TTC28: variants seen among roughly 807,000 people sequenced by gnomAD.
The protein encoded by TTC28 is tetratricopeptide repeat protein 28.
Under a neutral mutation model 198.0 loss-of-function variants are expected in TTC28, and 61 were observed. That is an observed-to-expected ratio of 0.31 (90% CI 0.25 to 0.38). The LOEUF (loss-of-function observed/expected upper bound fraction) is 0.38. TTC28 is among the 10% of genes least tolerant of loss of function. The probability of loss-of-function intolerance (pLI) is 1.00; values close to 1 mark genes in which losing one functional copy is unlikely to be tolerated. For missense variants in TTC28, 2,678 were observed against 3,164.0 expected (o/e 0.85, Z 3.69); for synonymous variants, 1,171 against 1,297.8 (o/e 0.90, Z 2.10).
At chr22:28,085,178 C>T (rs892049954) in intron 12 of TTC28, among the ~76,000 whole-genome samples, 2 of 151,834 alleles carry the variant, frequency 1.3e-5, no homozygotes, top group Admixed American at 6.6e-5. Context: ...AAGATACTCC[C>T]CGAGAAGAGC....
chr22:28,441,322 G>A (rs994577428), intron 2 of TTC28, among the ~76,000 whole-genome samples: 4 of 152,052 alleles, frequency 2.6e-5, no homozygotes, highest in African/African-American at 9.7e-5. Context: ...GAAGAAATGG[G>A]GGACTTTAGG....
intron 1 of TTC28, among the ~76,000 whole-genome samples, chr22:28,655,786 G>A (rs1202341528): frequency 6.6e-6 from 1 of 151,640 alleles, no homozygotes; most frequent in East Asian, 2.0e-4. Context: ...GGGAGGCGGA[G>A]CTTGCAGTGA....
intron 3 of TTC28, among the ~76,000 whole-genome samples, chr22:28,300,055 C>T (rs985255399): frequency 6.6e-5 from 10 of 152,176 alleles, no homozygotes; most frequent in African/African-American, 2.4e-4. Flanking sequence ...ATGCTCCTCC[C>T]CACACCAACT....
chr22:28,140,934 AGAGGAG>A (rs57274885), intron 6 of TTC28, among the ~76,000 whole-genome samples: 3,109 of 150,984 alleles, frequency 0.021, 52 homozygotes, highest in Non-Finnish European at 0.032. Context: ...ATGCAAAGGA[AGAGGAG>A]GAGGAGGAGG....
chr22:28,513,617 T>C (rs1024476487), intron 2 of TTC28, among the ~76,000 whole-genome samples: 11 of 151,716 alleles, frequency 7.3e-5, no homozygotes, highest in African/African-American at 2.4e-4. Flanking sequence ...TTTAAAAAGT[T>C]TGTTTAATTA....
At chr22:28,313,001 T>C (rs1349552714) in intron 2 of TTC28, among the ~76,000 whole-genome samples, 1 of 152,004 alleles carries the variant, frequency 6.6e-6, no homozygotes, top group Non-Finnish European at 1.5e-5. Context: ...AAGAATCAAA[T>C]AGACGTGATA....
rs138635 is a variant in TTC28, at chr22:27,981,230, ATTTTTTTTTTTTTT to A, written c.*977_*990del. The A allele has an allele frequency of 7.5e-4, 36 of 48,218 alleles. No individual in the cohort carries two copies. The highest frequency in any genetic ancestry group is 3.9e-3 in the South Asian group (4 of 1,036). 3.0% of individuals were successfully genotyped at this position (48,218 alleles called of 1,614,324 possible). A position where few individuals can be genotyped will look rare whatever the true frequency, so the allele number is the denominator to read the frequency against. ...TGGTTAAATCTAGTTAGCCATGGAAATTTTTTTTTTTTTTTTTTTTTTTTTTTTTTTTTTTTTGC... is the reference window on the plus strand; with the variant it reads ...TGGTTAAATCTAGTTAGCCATGGAAATTTTTTTTTTTTTTTTTTTTTTTGC... On this transcript the variant is annotated 3_prime_UTR_variant, in exon 23 of 23. Coordinates refer to ENST00000397906, the MANE Select transcript of TTC28 (RefSeq NM_001145418.2).
In TTC28 at chr22:28,629,837, A is replaced by T; in HGVS notation, c.103-7T>A. The T allele has an allele frequency of 6.5e-7, 1 of 1,540,370 alleles. No homozygotes were observed. Among genetic ancestry groups the T allele is most frequent in the Non-Finnish European group, 8.8e-7 (1 of 1,142,594 alleles). On this transcript the variant is annotated splice_region_variant and splice_polypyrimidine_tract_variant and intron_variant, in intron 1 of 22. Transcript: ENST00000397906. ...CAGCACCAAAGAGAGGAATCTACAA[A>T]CAAAGAAACTTTATCAGAAAAAGTT...
chr22:28,347,155 T>G (rs528093984), intron 2 of TTC28, among the ~76,000 whole-genome samples: 1 of 151,584 alleles, frequency 6.6e-6, no homozygotes, highest in Non-Finnish European at 1.5e-5. Flanking sequence ...TCCCAGCTAC[T>G]TGGGAGGCTG....
At chr22:28,606,236 A>G (rs2050731762) in intron 2 of TTC28, among the ~76,000 whole-genome samples, 2 of 151,866 alleles carry the variant, frequency 1.3e-5, no homozygotes, top group African/African-American at 2.4e-5. Context: ...CATGCACGCC[A>G]TCATGCATGG....
At chr22:28,282,052 T>G (rs772987009) in intron 5 of TTC28, among the ~76,000 whole-genome samples, 2 of 152,214 alleles carry the variant, frequency 1.3e-5, no homozygotes, top group Non-Finnish European at 2.9e-5. Flanking sequence ...GCCTACACTC[T>G]TACAAAACCA....
At chr22:28,441,730 C>G (rs561838611) in intron 2 of TTC28, among the ~76,000 whole-genome samples, 1 of 152,198 alleles carries the variant, frequency 6.6e-6, no homozygotes, top group Admixed American at 6.5e-5. Context: ...CATCGTGCCA[C>G]AAAGAAAAGA....
At chr22:28,485,259 C>T (rs992693749) in intron 2 of TTC28, among the ~76,000 whole-genome samples, 3 of 151,958 alleles carry the variant, frequency 2.0e-5, no homozygotes, top group Admixed American at 1.3e-4. Flanking sequence ...ACATCACAGC[C>T]GAATCAAGCC....
intron 2 of TTC28, 86 bp from the exon 3 acceptor site, chr22:28,306,729 G>T: frequency 7.2e-7 from 1 of 1,397,344 alleles, no homozygotes; most frequent in African/African-American, 1.5e-5. Context: ...CAGGTCAGCA[G>T]AACTAAGATT....
chr22:28,601,797 C>CAT (rs902724995), intron 2 of TTC28, among the ~76,000 whole-genome samples: 2 of 151,644 alleles, frequency 1.3e-5, no homozygotes, highest in Non-Finnish European at 2.9e-5. Context: ...CACACACACA[C>CAT]ACACACACAC....
At chr22:28,388,990 G>A (rs895759827) in intron 2 of TTC28, among the ~76,000 whole-genome samples, 4 of 152,042 alleles carry the variant, frequency 2.6e-5, no homozygotes, top group Non-Finnish European at 5.9e-5. Flanking sequence ...GTCATAGATA[G>A]CTCTTATTAT....
intron 3 of TTC28, among the ~76,000 whole-genome samples, chr22:28,300,895 AT>A (rs1441905539): frequency 6.6e-6 from 1 of 152,196 alleles, no homozygotes; most frequent in African/African-American, 2.4e-5. Flanking sequence ...ACTGAGCTAA[AT>A]ACATACAGAC....
intron 5 of TTC28, among the ~76,000 whole-genome samples, chr22:28,167,939 A>T (rs1302143204): frequency 6.6e-6 from 1 of 152,246 alleles, no homozygotes; most frequent in African/African-American, 2.4e-5. Context: ...CTCAGCCTCA[A>T]ATCTTCTTAA....
At chr22:28,007,102 T>G (rs1312349391) in intron 14 of TTC28, 1 of 152,164 alleles carries the variant, frequency 6.6e-6, no homozygotes, top group Non-Finnish European at 1.5e-5. Flanking sequence ...AAATGGACTT[T>G]ACTGTCTACA....
Sources: gnomAD v4.1 joint callset for allele counts (sites outside exome capture counted in the v4.1 genomes callset) on GRCh38, gnomAD v4.1.1 for gene constraint, MANE v1.5 for transcripts, NCBI Gene and HGNC (gene_info 2026-07-23, HGNC 2026-07-21) for gene names.